The following LCOR variants were observed in gnomAD, a reference collection of about 807,000 sequenced individuals.
LCOR encodes the protein ligand-dependent corepressor.
Under a neutral mutation model 64.4 loss-of-function variants are expected in LCOR, and 14 were observed. The observed-to-expected ratio is 0.22, with a 90% CI of 0.14 to 0.34. The LOEUF (loss-of-function observed/expected upper bound fraction) is 0.34, where lower values mean the gene tolerates loss of function less well. Among genes scored for constraint, LCOR ranks in the 10% least tolerant of loss-of-function variants. The pLI is 1.00. For missense variants in LCOR, 1,686 were observed against 1,765.3 expected (o/e 0.96, Z 0.80); for synonymous variants, 643 against 642.5 (o/e 1.00, Z -0.01).
intron 7 of LCOR, chr10:96,964,457 C>T (rs1847928261): frequency 6.6e-6 from 1 of 151,978 alleles, no homozygotes; most frequent in African/African-American, 2.4e-5. Context: ...AGCTTGGTTT[C>T]TACTTCCTAA....
At position 96,990,250 on chromosome 10, in the gene LCOR, G is replaced by A. The variant is rs993873591; in HGVS notation, c.*5116G>A. 6.6e-6 allele frequency: 1 copy of A among 152,048 alleles called. No homozygotes were observed. The highest frequency in any genetic ancestry group is 6.5e-5 in the Admixed American group (1 of 15,274). The allele number at this position is 152,048 out of a possible 1,614,324, so 9.4% of individuals were successfully genotyped here. A position where few individuals can be genotyped will look rare whatever the true frequency, so the allele number is the denominator to read the frequency against. ...ATGGGCATATGGTCTTATCTATTAG[G>A]GTATGTAGTTTAAAAGTACAGTTTT... On this transcript the variant is annotated 3_prime_UTR_variant, in exon 8 of 8. Transcript: ENST00000421806.
At chr10:96,944,685 A>C (rs1258957907) in intron 5 of LCOR, among the ~76,000 whole-genome samples, 1 of 151,460 alleles carries the variant, frequency 6.6e-6, no homozygotes, top group Non-Finnish European at 1.5e-5. Context: ...TTTTTCTGAT[A>C]TAGTCTTGTT....
At chr10:96,954,456 C>T (rs963223799) in intron 7 of LCOR, among the ~76,000 whole-genome samples, 1 of 147,372 alleles carries the variant, frequency 6.8e-6, no homozygotes, top group Admixed American at 7.0e-5. Flanking sequence ...TTATGGGTTC[C>T]AGTAATGTAT....
At chr10:96,853,314 T>C (rs1845750967) in intron 2 of LCOR, among the ~76,000 whole-genome samples, 2 of 152,196 alleles carry the variant, frequency 1.3e-5, no homozygotes, top group Admixed American at 6.5e-5. Context: ...TCCCAAGTGC[T>C]GGGGTTACAC....
intron 2 of LCOR, among the ~76,000 whole-genome samples, chr10:96,838,065 C>G (rs563029656): frequency 6.6e-6 from 1 of 152,196 alleles, no homozygotes; most frequent in South Asian, 2.1e-4. Context: ...ATTCTATACA[C>G]TTGCACATTG....
intron 4 of LCOR, among the ~76,000 whole-genome samples, chr10:96,920,990 G>A (rs562781979): frequency 6.6e-6 from 1 of 151,822 alleles, no homozygotes; most frequent in South Asian, 2.1e-4. Context: ...TGGAGATGGG[G>A]CCTTGTCATG....
intron 2 of LCOR, among the ~76,000 whole-genome samples, chr10:96,869,183 A>C (rs969009250): frequency 9.9e-5 from 15 of 152,268 alleles, no homozygotes; most frequent in African/African-American, 3.6e-4. Context: ...CTGGGATTAC[A>C]GGAGTGAGCT....
At chr10:96,935,928 C>T (rs918307976) in intron 4 of LCOR, among the ~76,000 whole-genome samples, 2 of 152,238 alleles carry the variant, frequency 1.3e-5, no homozygotes, top group Admixed American at 6.5e-5. Context: ...TGATGAAGAT[C>T]TGTGTGAATA....
chr10:96,852,531 CATT>C (rs1845737698), intron 2 of LCOR, among the ~76,000 whole-genome samples: 1 of 152,202 alleles, frequency 6.6e-6, no homozygotes, highest in Non-Finnish European at 1.5e-5. Context: ...CAAGATATCT[CATT>C]ATGTATATGC....
intron 2 of LCOR, among the ~76,000 whole-genome samples, chr10:96,877,688 T>C (rs577689624): frequency 7.7e-6 from 1 of 130,204 alleles, no homozygotes; most frequent in Non-Finnish European, 1.6e-5. Flanking sequence ...CTCAGCTCAC[T>C]GCAAGCTCAG....
chr10:96,955,844 G>T, intron 7 of LCOR: 1 of 1,614,182 alleles, frequency 6.2e-7, no homozygotes, highest in Non-Finnish European at 8.5e-7. Context: ...GGTCGGAGGG[G>T]CCAGATGTTT....
chr10:96,910,023 G>A (rs1168320078), intron 4 of LCOR, among the ~76,000 whole-genome samples: 1 of 152,112 alleles, frequency 6.6e-6, no homozygotes, highest in East Asian at 1.9e-4. Context: ...GTTGTATATA[G>A]TATATTCTTG....
chr10:96,955,255 A>G (rs745839014), intron 7 of LCOR: 1 of 1,614,146 alleles, frequency 6.2e-7, no homozygotes, highest in Non-Finnish European at 8.5e-7. Context: ...TTCAGGGGAA[A>G]TGGTGCACTC....
intron 2 of LCOR, among the ~76,000 whole-genome samples, chr10:96,861,718 G>T (rs1845890987): frequency 6.6e-6 from 1 of 152,128 alleles, no homozygotes; most frequent in Admixed American, 6.5e-5. Context: ...GCTAATTTTT[G>T]TATTTTTAGT....
rs778989142 is a variant in LCOR, at chr10:96,984,903, G to C, written c.4443G>C (p.Arg1481Ser). 3.7e-6 allele frequency: 6 copies of C among 1,613,832 alleles called. No homozygotes were observed. Among genetic ancestry groups the C allele is most frequent in the Admixed American group, 3.3e-5 (2 of 59,928 alleles). The change falls in exon 8 of 8, where the codon AGG becomes AGC. Residue 1481 changes from arginine (R) to serine (S), a missense_variant. Physicochemically the swap from Arg to Ser is moderately radical, Grantham distance 110. Transcript: ENST00000421806. ...SRKEKENTNK[R>S]PSQSIASETL... ...AAGAAAAAGAGAATACAAACAAAAG[G>C]CCTTCCCAGTCTATTGCCTCGGAAA... is the stretch of plus-strand genomic sequence containing the variant.
intron 2 of LCOR, among the ~76,000 whole-genome samples, chr10:96,840,954 A>G (rs1024344671): frequency 1.3e-5 from 2 of 152,154 alleles, no homozygotes; most frequent in African/African-American, 4.8e-5. Flanking sequence ...CCTGGGCAAC[A>G]TGGTGAAACC....
chr10:96,840,815 C>T (rs1845526911), intron 2 of LCOR, among the ~76,000 whole-genome samples: 1 of 152,192 alleles, frequency 6.6e-6, no homozygotes, highest in Non-Finnish European at 1.5e-5. Context: ...TGAAGTAAAG[C>T]AGCGTTTGTT....
In LCOR at chr10:96,832,329, A is replaced by G. The variant is rs1845348451; in HGVS notation, c.-474A>G. On this transcript the variant is annotated 5_prime_UTR_variant, in exon 1 of 8. An upstream start codon of the reference 5' UTR is lost. Transcript: ENST00000421806. ...TGGCGAGGGTGTGTAGGCGGCAGCAATGCTCCGTTGAGAGACGCGGCTTTC... is the reference window on the plus strand; with the variant it reads ...TGGCGAGGGTGTGTAGGCGGCAGCAGTGCTCCGTTGAGAGACGCGGCTTTC... 7 of 984,020 alleles carry G rather than the reference A, an allele frequency of 7.1e-6. No homozygotes were observed. Among genetic ancestry groups the G allele is most frequent in the Non-Finnish European group, 6.0e-6 (5 of 829,488 alleles). The allele number at this position is 984,020 out of a possible 1,614,324, so 61.0% of individuals were successfully genotyped here.
intron 2 of LCOR, among the ~76,000 whole-genome samples, chr10:96,865,761 C>G (rs912409427): frequency 3.3e-5 from 5 of 151,604 alleles, no homozygotes; most frequent in South Asian, 2.1e-4. Context: ...GTAATCCTAG[C>G]CACTTGGGAA....
Sources: allele counts gnomAD v4.1 joint callset (sites outside exome capture counted in the v4.1 genomes callset), GRCh38; gene constraint gnomAD v4.1.1; transcripts MANE v1.5; gene names NCBI Gene and HGNC (gene_info 2026-07-23, HGNC 2026-07-21).